The following KCNQ4 variants were observed in gnomAD, a reference collection of about 807,000 sequenced individuals.
KCNQ4 encodes the protein potassium voltage-gated channel subfamily Q member 4.
In KCNQ4, 31 loss-of-function variants were observed where a neutral mutation model predicts 72.6. The observed-to-expected ratio is 0.43, with a 90% confidence interval of 0.32 to 0.58. The LOEUF is 0.58. Ranked by LOEUF, KCNQ4 falls within the 20% of genes least tolerant of loss-of-function variation. The pLI, the probability that KCNQ4 is intolerant of heterozygous loss-of-function variation, is 0.08. For synonymous variants in KCNQ4, 405 were observed against 403.7 expected, an observed-to-expected ratio of 1.00 and a Z score of -0.04; for missense variants, 869 against 962.6, an observed-to-expected ratio of 0.90 and a Z score of 1.29.
Position 40,817,737 on chromosome 1 carries a change from C to A in KCNQ4, c.405+382C>A, listed in dbSNP as rs189965146. Among the ~76,000 whole-genome samples, 537 of 152,336 alleles carry A rather than the reference C, an allele frequency of 3.5e-3. 1 individual carries two copies. Among genetic ancestry groups the A allele is most frequent in the Middle Eastern group, 0.031 (9 of 294 alleles). On this transcript the variant is annotated intron_variant, in intron 2 of 13. Transcript: ENST00000347132. This position sits in a 1 kb window ranked among gnomAD's most constrained non-coding sequence, Gnocchi z 5.5. ...CCAGAATAGAAGTGAGTAGGCTCCA[C>A]CCCTTCTCAGGACAAAATCTGCAAA...
chr1:40,821,183 C>T (rs567053992), intron 7 of KCNQ4, among the ~76,000 whole-genome samples: 1 of 152,320 alleles, frequency 6.6e-6, no homozygotes, highest in Admixed American at 6.5e-5. Flanking sequence ...GGGCAGGCGG[C>T]TGGCACTGTC....
intron 1 of KCNQ4, among the ~76,000 whole-genome samples, chr1:40,808,549 T>C (rs1331887569): frequency 6.6e-6 from 1 of 152,000 alleles, no homozygotes; most frequent in Non-Finnish European, 1.5e-5. Flanking sequence ...CCTGCCCACT[T>C]CTGAGAGTTG....
intron 7 of KCNQ4, among the ~76,000 whole-genome samples, chr1:40,822,044 G>T (rs1467044592): frequency 6.6e-6 from 1 of 152,228 alleles, no homozygotes; most frequent in Non-Finnish European, 1.5e-5. Context: ...GGAAACCCAT[G>T]TCTGCCTGAC....
chr1:40,834,885 G>A (rs995604388), intron 11 of KCNQ4, 82 bp from the exon 12 acceptor site: 7 of 1,581,670 alleles, frequency 4.4e-6, no homozygotes, highest in Non-Finnish European at 6.0e-6. Context: ...CTGGACAAGG[G>A]GATAGCAAAG....
chr1:40,802,487 C>T (rs1647611456), intron 1 of KCNQ4, among the ~76,000 whole-genome samples: 1 of 152,114 alleles, frequency 6.6e-6, no homozygotes, highest in African/African-American at 2.4e-5. Flanking sequence ...TGGCAAAGCC[C>T]CGCCCCTCCC....
intron 9 of KCNQ4, among the ~76,000 whole-genome samples, chr1:40,827,186 G>T (rs896342179): frequency 6.6e-6 from 1 of 152,150 alleles, no homozygotes; most frequent in African/African-American, 2.4e-5. Flanking sequence ...GCATTCCTTG[G>T]TACCTGCCCT....
At chr1:40,793,004 C>CTTTTTTTT (rs10549805) in intron 1 of KCNQ4, among the ~76,000 whole-genome samples, 2 of 109,074 alleles carry the variant, frequency 1.8e-5, no homozygotes, top group Non-Finnish European at 3.6e-5. Flanking sequence ...TTCTTTCTTT[C>CTTTTTTTT]TTTTTTTTTT....
In KCNQ4 at chr1:40,818,694, G is replaced by C. The variant is rs2361660; in HGVS notation, c.708+14G>C. 0.69 allele frequency: 1,095,834 copies of C among 1,581,178 alleles called. 384,137 individuals carry two copies. Among genetic ancestry groups the C allele is most frequent in the Non-Finnish European group, 0.73 (848,337 of 1,168,614 alleles). On this transcript the variant is annotated intron_variant, in intron 4 of 13. Transcript: ENST00000347132. ...GCGCATAGCAAGGTGAGGCCTGCAAGCCGCGCGCGGAGACCCGAGGGCGTG... is the reference window on the plus strand; with the variant it reads ...GCGCATAGCAAGGTGAGGCCTGCAACCCGCGCGCGGAGACCCGAGGGCGTG...
At chr1:40,808,749 AC>A (rs1647838007) in intron 1 of KCNQ4, among the ~76,000 whole-genome samples, 2 of 152,038 alleles carry the variant, frequency 1.3e-5, no homozygotes, top group Non-Finnish European at 2.9e-5. Context: ...CATTCCATTG[AC>A]TACTCACTCT....
Position 40,822,333 on chromosome 1 carries a change from C to T in KCNQ4, c.1061C>T (p.Ser354Phe). The part of the protein sequence containing the change: ...NLIQAAWRLY[S>F]TDMSRAYLTA... ...CACCAGGCTGCCTGGCGCCTGTACT[C>T]CACCGATATGAGCCGGGCCTACCTG... Residue 354 changes from serine to phenylalanine, a missense_variant, in exon 8 of 14, where the codon TCC (serine) becomes TTC (phenylalanine). Transcript: ENST00000347132. 1.2e-6 allele frequency: 2 copies of T among 1,613,936 alleles called. No homozygotes were observed. Among genetic ancestry groups the T allele is most frequent in the Non-Finnish European group, 1.7e-6 (2 of 1,179,948 alleles).
At chr1:40,820,880 C>T (rs1187501236) in intron 7 of KCNQ4, among the ~76,000 whole-genome samples, 1 of 152,134 alleles carries the variant, frequency 6.6e-6, no homozygotes, top group African/African-American at 2.4e-5. Flanking sequence ...TTTCTGTGAC[C>T]CTGGGACTAG....
In KCNQ4 at chr1:40,784,145, G is replaced by GC. The variant is rs754748939; in HGVS notation, c.58dup (p.Arg20ProfsTer216). On this transcript the variant is annotated frameshift_variant, in exon 1 of 14. Transcript: ENST00000347132. LOFTEE classifies it high-confidence loss of function. The surrounding 1 kb of genome is among the most constrained non-coding windows in gnomAD (Gnocchi z 4.1). ...CGGCCTGGGTCCCCCGCCCGGGGAC[G>GC]CCCCCCGCGCGGAGCTAGTGGCGCT... The GC allele has an allele frequency of 4.2e-5, 43 of 1,018,312 alleles. No individual in the cohort carries two copies. The highest frequency in any genetic ancestry group is 2.0e-4 in the South Asian group (6 of 30,434). The allele number at this position is 1,018,312 out of a possible 1,614,324, so 63.1% of individuals were successfully genotyped here.
At chr1:40,823,374 C>T (rs1380605859) in intron 8 of KCNQ4, among the ~76,000 whole-genome samples, 2 of 151,584 alleles carry the variant, frequency 1.3e-5, no homozygotes, top group Non-Finnish European at 2.9e-5. Flanking sequence ...GCTGGGCATT[C>T]GAGAGTGGGG....
intron 7 of KCNQ4, among the ~76,000 whole-genome samples, chr1:40,820,777 G>A (rs1210422963): frequency 6.6e-6 from 1 of 152,244 alleles, no homozygotes; most frequent in Non-Finnish European, 1.5e-5. Flanking sequence ...AACAGCCAGA[G>A]GGGTGGGTAG....
chr1:40,838,575 C>T lies in KCNQ4; in HGVS notation c.*52C>T. ...ACGGCCAGCCCCGCGGCCTGGCGCT[C>T]CGACTGCCCTCTGAGGCCTCCGGAC... On this transcript the variant is annotated 3_prime_UTR_variant, in exon 14 of 14. Coordinates refer to ENST00000347132, the MANE Select transcript of KCNQ4 (RefSeq NM_004700.4). 6.5e-7 allele frequency: 1 copy of T among 1,544,454 alleles called. No individual in the cohort carries two copies. Among genetic ancestry groups the T allele is most frequent in the Non-Finnish European group, 9.0e-7 (1 of 1,117,040 alleles).
At chr1:40,806,083 C>T (rs1284420440) in intron 1 of KCNQ4, among the ~76,000 whole-genome samples, 2 of 152,166 alleles carry the variant, frequency 1.3e-5, no homozygotes, top group African/African-American at 4.8e-5. Flanking sequence ...CCTCGTGATC[C>T]GCCTGCCTCA....
chr1:40,835,938 G>A (rs908411262), intron 12 of KCNQ4, among the ~76,000 whole-genome samples: 4 of 151,950 alleles, frequency 2.6e-5, no homozygotes, highest in Admixed American at 1.3e-4. Flanking sequence ...TGAGGTCAGA[G>A]GGCTAACGGC....
In KCNQ4 at chr1:40,822,433, G is replaced by C. The variant is rs148218398; in HGVS notation, c.1130+31G>C. The C allele has an allele frequency of 0.052, 50,682 of 969,264 alleles. 2,515 individuals carry two copies. Among genetic ancestry groups the C allele is most frequent in the Middle Eastern group, 0.16 (603 of 3,784 alleles). The allele number at this position is 969,264 out of a possible 1,614,324, so 60.0% of individuals were successfully genotyped here. A position where few individuals can be genotyped will look rare whatever the true frequency, so the allele number is the denominator to read the frequency against. ...TCCTGCTGGGGGTGGGGGTGGGTGG[G>C]GGGCTGGCAGCAATGCCCTTTGAGG... is the stretch of plus-strand genomic sequence containing the variant. On this transcript the variant is annotated intron_variant, in intron 8 of 13. Transcript: ENST00000347132.
At chr1:40,789,168 C>T (rs1275119427) in intron 1 of KCNQ4, among the ~76,000 whole-genome samples, 5 of 152,132 alleles carry the variant, frequency 3.3e-5, no homozygotes, top group African/African-American at 1.2e-4. Flanking sequence ...GGTGGCTGGC[C>T]TCGTAGAACT....
Sources: gnomAD v4.1 joint callset for allele counts (sites outside exome capture counted in the v4.1 genomes callset) on GRCh38, gnomAD v4.1.1 for gene constraint, Gnocchi (gnomAD v3.1) non-coding constraint, MANE v1.5 for transcripts, NCBI Gene and HGNC (gene_info 2026-07-23, HGNC 2026-07-21) for gene names.